Variants in CEP72 observed in about 807,000 individuals in gnomAD.
The protein encoded by CEP72 is centrosomal protein of 72 kDa.
Under a neutral mutation model 65.7 loss-of-function variants are expected in CEP72, and 78 were observed. The observed-to-expected ratio is 1.19, with a 90% CI of 0.99 to 1.43. The LOEUF (loss-of-function observed/expected upper bound fraction) is 1.43. CEP72 is among the 40% of genes most tolerant of loss of function. The probability of loss-of-function intolerance (pLI) is 0.00; values close to 1 mark genes in which losing one functional copy is unlikely to be tolerated. For missense variants in CEP72, 914 were observed against 832.9 expected (o/e 1.10, Z -1.20); for synonymous variants, 358 against 351.7 (o/e 1.02, Z -0.20).
Position 640,617 on chromosome 5 carries a change from T to G in CEP72, c.1539+13T>G, listed in dbSNP as rs113868864. On this transcript the variant is annotated intron_variant, in intron 9 of 11. Coordinates refer to ENST00000264935, the MANE Select transcript of CEP72 (RefSeq NM_018140.4). ...ACACAAGGAGCTGGTGAGCCCGCCC[T>G]GGCGCTGTGTCTGTGTCCATGTGAC... 0.022 allele frequency: 35,450 copies of G among 1,602,866 alleles called. 467 individuals are homozygous for G. The highest frequency in any genetic ancestry group is 0.026 in the Non-Finnish European group (30,328 of 1,176,108).
Position 618,923 on chromosome 5 carries a change from A to G in CEP72, c.83-67A>G, listed in dbSNP as rs1579926921. On this transcript the variant is annotated intron_variant, in intron 1 of 11. Coordinates refer to ENST00000264935, the MANE Select transcript of CEP72 (RefSeq NM_018140.4). Reference sequence around the variant, plus strand: ...TTTCTACTCCATATCCAACACCAAGAACTTGACCGTTATTATAATTGTTTT... The same window carrying G: ...TTTCTACTCCATATCCAACACCAAGGACTTGACCGTTATTATAATTGTTTT... 4 of 1,311,344 alleles carry G rather than the reference A, an allele frequency of 3.1e-6. No homozygotes were observed. In the East Asian group the frequency reaches 7.4e-5, roughly 24 times the overall value. 81.2% of individuals were successfully genotyped at this position (1,311,344 alleles called of 1,614,324 possible). A position where few individuals can be genotyped will look rare whatever the true frequency, so the allele number is the denominator to read the frequency against.
chr5:618,186 G>GTGTT (rs1736117459), intron 1 of CEP72, among the ~76,000 whole-genome samples: 1 of 152,128 alleles, frequency 6.6e-6, no homozygotes, highest in Non-Finnish European at 1.5e-5. Context: ...GGAGGGAGAG[G>GTGTT]CAGTAAAGGT....
chr5:653,043 C>G lies in CEP72; in HGVS notation c.1834C>G (p.Gln612Glu), dbSNP rs1739211484. The change falls in exon 12 of 12, where the codon CAG becomes GAG. Residue 612 changes from glutamine (Q) to glutamate (E), a missense_variant. Coordinates refer to ENST00000264935, the MANE Select transcript of CEP72 (RefSeq NM_018140.4). ...GCAGGAGCTGAGCCAGGTGCGGGCG[C>G]AGCACAGAGCCGAGGTGGAGCAGAT... ...LLQELSQVRA[Q>E]HRAEVEQMHW... 1 of 1,613,838 alleles carries G rather than the reference C, an allele frequency of 6.2e-7. No individual in the cohort carries two copies. Among genetic ancestry groups the G allele is most frequent in the Non-Finnish European group, 8.5e-7 (1 of 1,179,978 alleles).
intron 9 of CEP72, chr5:643,391 A>G (rs1321547544): frequency 1.1e-5 from 11 of 985,312 alleles, no homozygotes; most frequent in Non-Finnish European, 1.3e-5. Context: ...AAGTCCGCGA[A>G]ATGAAGAACG....
chr5:650,218 CTGTGAGGCGTGGACTG>C (rs1353486514), intron 11 of CEP72, among the ~76,000 whole-genome samples: 3 of 91,942 alleles, frequency 3.3e-5, no homozygotes, highest in African/African-American at 1.6e-4. Flanking sequence ...TGAGGTGTGA[CTGTGAGGCGTGGACTG>C]TGAGGCGTGG....
At chr5:644,158 A>AACTGAATT (rs1331979084) in intron 9 of CEP72, 141 bp from the exon 10 acceptor site, 1 of 922,506 alleles carries the variant, frequency 1.1e-6, no homozygotes, top group Non-Finnish European at 1.7e-6. Flanking sequence ...TGTACCGTGA[A>AACTGAATT]ACTGAATTAC....
At chr5:647,123 G>C (rs992577125) in intron 10 of CEP72, among the ~76,000 whole-genome samples, 5 of 152,228 alleles carry the variant, frequency 3.3e-5, no homozygotes, top group African/African-American at 1.2e-4. Context: ...CCTTGTGGGT[G>C]AGAAGAGCCT....
rs769078584 is a variant in CEP72 at position 619,094 on chromosome 5, C to T, written c.187C>T (p.Arg63Cys). 3.3e-5 allele frequency: 53 copies of T among 1,613,566 alleles called. No homozygotes were observed. The highest frequency in any genetic ancestry group is 3.9e-5 in the Non-Finnish European group (46 of 1,179,668). Residue 63 changes from arginine to cysteine, a missense_variant, in exon 2 of 12, where the codon CGC (arginine) becomes TGC (cysteine). Arg to Cys is a radical substitution (Grantham distance 180). Transcript: ENST00000264935. Reference sequence around the variant, plus strand: ...AGGTCTGAAATCTTTGGATCTCTCGCGCAACTCCTTGGTTAGTCTGGAGGT... The same window carrying T: ...AGGTCTGAAATCTTTGGATCTCTCGTGCAACTCCTTGGTTAGTCTGGAGGT... ...LTGLKSLDLSRNSLVSLEGIQ... is the reference protein window; with the variant it reads ...LTGLKSLDLSCNSLVSLEGIQ...
intron 11 of CEP72, among the ~76,000 whole-genome samples, chr5:648,347 TGTGAGGTGTGAC>T: frequency 7.7e-6 from 1 of 130,394 alleles, no homozygotes; most frequent in East Asian, 2.8e-4. Context: ...GAGGTGTGAC[TGTGAGGTGTGAC>T]TGTGAGGTGT....
chr5:665,968 ACCGTCACC>A (rs1739890650), exon 4 of CEP72: 1 of 1,259,626 alleles, frequency 7.9e-7, no homozygotes, highest in African/African-American at 2.0e-5. Flanking sequence ...CGCCCTGCTC[ACCGTCACC>A]CCTGAGATGA....
At chr5:659,049 T>G (rs908205653), downstream of CEP72, among the ~76,000 whole-genome samples, 7 of 152,268 alleles carry the variant, frequency 4.6e-5, no homozygotes, top group African/African-American at 1.7e-4. Context: ...TCATGGTTTT[T>G]TCCCTCTTCA....
intron 1 of CEP72, among the ~76,000 whole-genome samples, chr5:615,507 C>CAAA (rs1735938094): frequency 6.6e-6 from 1 of 152,110 alleles, no homozygotes; most frequent in Non-Finnish European, 1.5e-5. Flanking sequence ...GTTACGGTAG[C>CAAA]TTCTTTTGAT....
At chr5:646,732 A>T (rs1185233925) in intron 10 of CEP72, among the ~76,000 whole-genome samples, 1 of 152,172 alleles carries the variant, frequency 6.6e-6, no homozygotes, top group Non-Finnish European at 1.5e-5. Context: ...TGGTTCCCTG[A>T]TTGGCCCACT....
chr5:645,903 G>C lies in CEP72; in HGVS notation c.1666+1478G>C, dbSNP rs563722738. On this transcript the variant is annotated intron_variant, in intron 10 of 11. Coordinates refer to ENST00000264935, the MANE Select transcript of CEP72 (RefSeq NM_018140.4). The surrounding 1 kb of genome is among the most constrained non-coding windows in gnomAD (Gnocchi z 4.0). ...TCACTCCTGCTCCCGTCGGCGGCCT[G>C]TGTGGACGGTGAATTCGGCTTCGTT... Among the ~76,000 whole-genome samples, 2 of 152,290 alleles carry C rather than the reference G, an allele frequency of 1.3e-5. No individual in the cohort carries two copies. The highest frequency in any genetic ancestry group is 3.9e-4 in the East Asian group (2 of 5,186).
At chr5:658,722 G>A (rs187666016), downstream of CEP72, among the ~76,000 whole-genome samples, 6 of 122,158 alleles carry the variant, frequency 4.9e-5, no homozygotes, top group East Asian at 5.7e-4. Context: ...AGGCTGGAGT[G>A]CAGTGGCGTG....
downstream of CEP72, among the ~76,000 whole-genome samples, chr5:656,255 C>T (rs79858857): frequency 0.024 from 3,657 of 152,278 alleles, 143 homozygotes; most frequent in African/African-American, 0.079. Context: ...CGCGTACCTC[C>T]ATCTTATGTT....
At chr5:615,226 C>T (rs1325190591) in intron 1 of CEP72, among the ~76,000 whole-genome samples, 1 of 151,482 alleles carries the variant, frequency 6.6e-6, no homozygotes, top group Non-Finnish European at 1.5e-5. Flanking sequence ...ACCTCTGCCT[C>T]CCGGGTTCAC....
intron 3 of CEP72, among the ~76,000 whole-genome samples, chr5:621,750 C>T (rs1248190777): frequency 2.0e-5 from 3 of 152,206 alleles, no homozygotes; most frequent in Non-Finnish European, 2.9e-5. Context: ...TGTGATCACA[C>T]ATGTGTTTGT....
downstream of CEP72, among the ~76,000 whole-genome samples, chr5:669,657 C>A (rs561738534): frequency 1.3e-5 from 2 of 152,212 alleles, no homozygotes; most frequent in African/African-American, 4.8e-5. Context: ...AGTCACTCGG[C>A]GGGAGGGGGA....
Sources: gnomAD v4.1 joint callset for allele counts (sites outside exome capture counted in the v4.1 genomes callset) on GRCh38, gnomAD v4.1.1 for gene constraint, Gnocchi (gnomAD v3.1) non-coding constraint, MANE v1.5 for transcripts, NCBI Gene and HGNC (gene_info 2026-07-23, HGNC 2026-07-21) for gene names.